LMF1: variants seen among roughly 807,000 people sequenced by gnomAD.
LMF1 encodes lipase maturation factor 1.
LMF1 carries 68 observed loss-of-function variants against 60.6 expected under a neutral mutation model. The observed-to-expected ratio is 1.12, with a 90% CI of 0.92 to 1.37. LMF1 has a LOEUF of 1.37. LMF1 is among the 40% of genes most tolerant of loss of function. The pLI, the probability that LMF1 is intolerant of heterozygous loss-of-function variation, is 0.00. For synonymous variants in LMF1, 418 were observed against 324.7 expected, an observed-to-expected ratio of 1.29 and a Z score of -3.09; for missense variants, 948 against 767.2, an observed-to-expected ratio of 1.24 and a Z score of -2.78.
intron 2 of LMF1, among the ~76,000 whole-genome samples, chr16:951,864 C>G (rs1274531524): frequency 5.3e-5 from 8 of 152,248 alleles, no homozygotes; most frequent in Admixed American, 4.6e-4. Context: ...CCCACCAGGC[C>G]ACCGTCAGCA....
chr16:903,557 T>C (rs1430679876), intron 4 of LMF1: 1 of 104,498 alleles, frequency 9.6e-6, no homozygotes, highest in East Asian at 3.3e-4. Context: ...TGGTGACCTC[T>C]GCACTGCCTG....
chr16:931,791 C>A (rs571214818), intron 3 of LMF1: 1 of 1,286,312 alleles, frequency 7.8e-7, no homozygotes, highest in African/African-American at 1.5e-5. Flanking sequence ...ACGTGCTGAG[C>A]CGCTGCAGGG....
chr16:954,491 G>C lies in LMF1; in HGVS notation c.369C>G (p.Asn123Lys). 1.2e-6 allele frequency: 2 copies of C among 1,612,856 alleles called. No individual in the cohort carries two copies. Among genetic ancestry groups the C allele is most frequent in the South Asian group, 1.1e-5 (1 of 90,908 alleles). The change falls in exon 2 of 11, where the codon AAC becomes AAG. Residue 123 changes from asparagine (N) to lysine (K), a missense_variant. Physicochemically the swap from Asn to Lys is moderately conservative, Grantham distance 94. Transcript: ENST00000262301. Reference sequence around the variant, plus strand: ...GAAGAGCCAGCAAGTCCAGGTTGGAGTTCATGTCTGACCAGTCCATCAGCC... The same window carrying C: ...GAAGAGCCAGCAAGTCCAGGTTGGACTTCATGTCTGACCAGTCCATCAGCC... ...ILWLMDWSDM[N>K]SNLDLLALLG...
chr16:926,508 CTG>C (rs1353441974), intron 3 of LMF1, among the ~76,000 whole-genome samples: 16 of 152,240 alleles, frequency 1.1e-4, no homozygotes, highest in Non-Finnish European at 2.4e-4. Context: ...GTTTGCACGT[CTG>C]TGTTTGGGTA....
intron 5 of LMF1, among the ~76,000 whole-genome samples, chr16:888,801 G>A: frequency 6.6e-6 from 1 of 152,192 alleles, no homozygotes. Context: ...CTGGGGTGGG[G>A]TTTTAGGGAC....
rs932266176 is a variant in LMF1 at position 874,293 on chromosome 16, C to T, written c.898-2952G>A. 6.6e-5 allele frequency among the ~76,000 whole-genome samples: 10 copies of T among 152,174 alleles called. No individual in the cohort carries two copies. The highest frequency in any genetic ancestry group is 2.4e-4 in the African/African-American group (10 of 41,540). On this transcript the variant is annotated intron_variant, in intron 6 of 10. Coordinates refer to ENST00000262301, the MANE Select transcript of LMF1 (RefSeq NM_022773.4). The surrounding 1 kb of genome is among the most constrained non-coding windows in gnomAD (Gnocchi z 4.1). ...GTGCGGGGCTGGCAGGGCCTCCGGG[C>T]CTCTGTCTTGAGCGGGCGTGGGGTG...
chr16:960,188 G>A (rs1273792736), intron 1 of LMF1, among the ~76,000 whole-genome samples: 9 of 152,222 alleles, frequency 5.9e-5, no homozygotes, highest in East Asian at 1.9e-4. Context: ...AAGCTGGGCC[G>A]GAAGCATCCC....
intron 1 of LMF1, among the ~76,000 whole-genome samples, chr16:967,233 C>T (rs1243224778): frequency 1.3e-5 from 2 of 152,196 alleles, no homozygotes; most frequent in Admixed American, 1.3e-4. Flanking sequence ...GCCTGGCTGA[C>T]GAGGCTCCAG....
chr16:957,853 C>T (rs2072739920), intron 1 of LMF1, among the ~76,000 whole-genome samples: 2 of 152,128 alleles, frequency 1.3e-5, no homozygotes, highest in East Asian at 3.8e-4. Context: ...AGACAAAGAG[C>T]AGCCTTGGGC....
At chr16:939,823 C>T (rs1197893304) in intron 2 of LMF1, among the ~76,000 whole-genome samples, 6 of 152,304 alleles carry the variant, frequency 3.9e-5, no homozygotes, top group East Asian at 1.9e-4. Flanking sequence ...AAACAGGGTG[C>T]GCAGTCTGAG....
chr16:968,601 T>C (rs1158745639), intron 1 of LMF1: 1 of 152,202 alleles, frequency 6.6e-6, no homozygotes, highest in African/African-American at 2.4e-5. Context: ...CAGAAAACCA[T>C]GTCCCTGAAA....
chr16:959,715 C>G (rs535510723), intron 1 of LMF1, among the ~76,000 whole-genome samples: 31 of 152,324 alleles, frequency 2.0e-4, no homozygotes, highest in Middle Eastern at 3.4e-3. Flanking sequence ...GGCTTTCCCC[C>G]CCGGGCCTGG....
chr16:900,028 G>C (rs12934854), intron 4 of LMF1: 1 of 152,124 alleles, frequency 6.6e-6, no homozygotes, highest in African/African-American at 2.4e-5. Flanking sequence ...GCTCCGACAC[G>C]CGTCCCAAAT....
intron 5 of LMF1, among the ~76,000 whole-genome samples, chr16:887,760 C>T (rs1438043083): frequency 1.3e-5 from 2 of 152,180 alleles, no homozygotes; most frequent in Non-Finnish European, 2.9e-5. Context: ...TGGCCGTGGC[C>T]TGGGCCCGGA....
chr16:859,199 G>GAGTGGTGTCTCGGGACGGGTGTGC (rs2069336916), intron 10 of LMF1, among the ~76,000 whole-genome samples: 1 of 111,148 alleles, frequency 9.0e-6, no homozygotes, highest in African/African-American at 5.0e-5. Context: ...GGACGGGTGT[G>GAGTGGTGTCTCGGGACGGGTGTGC]AGTGGTGTCT....
chr16:946,072 A>G (rs2072231871), intron 2 of LMF1, among the ~76,000 whole-genome samples: 1 of 152,238 alleles, frequency 6.6e-6, no homozygotes. Context: ...AAAACAAGCT[A>G]ATGGTGGACA....
chr16:958,740 A>G (rs780652088), intron 1 of LMF1, among the ~76,000 whole-genome samples: 1 of 152,176 alleles, frequency 6.6e-6, no homozygotes, highest in Non-Finnish European at 1.5e-5. Context: ...TACAAAAATT[A>G]GCTGGGCATA....
intron 3 of LMF1, among the ~76,000 whole-genome samples, chr16:930,052 A>C (rs2071729873): frequency 6.6e-6 from 1 of 150,580 alleles, no homozygotes; most frequent in Non-Finnish European, 1.5e-5. Context: ...GCCCTGGGAC[A>C]GAGCCCAGGA....
chr16:976,352 C>A (rs1372591261), intron 1 of LMF1: 1 of 453,998 alleles, frequency 2.2e-6, no homozygotes, highest in Non-Finnish European at 4.4e-6. Context: ...GATCTGTAGT[C>A]CAGGTGTCTG....
Sources: gnomAD v4.1 joint callset for allele counts (sites outside exome capture counted in the v4.1 genomes callset) on GRCh38, gnomAD v4.1.1 for gene constraint, Gnocchi (gnomAD v3.1) non-coding constraint, MANE v1.5 for transcripts, NCBI Gene and HGNC (gene_info 2026-07-23, HGNC 2026-07-21) for gene names.